Variants in CADM1 observed in about 807,000 individuals in gnomAD.
CADM1 encodes the protein TSLC-1.
A neutral mutation model predicts 53.1 loss-of-function variants in CADM1; 15 were observed. That is an observed-to-expected ratio of 0.28 (90% CI 0.19 to 0.44). CADM1 has a LOEUF of 0.44. Among genes scored for constraint, CADM1 ranks in the 20% least tolerant of loss-of-function variants. The probability of loss-of-function intolerance (pLI) is 1.00; values close to 1 mark genes in which losing one functional copy is unlikely to be tolerated. For synonymous variants in CADM1, 281 were observed against 243.0 expected, an observed-to-expected ratio of 1.16 and a Z score of -1.45; for missense variants, 434 against 611.3, an observed-to-expected ratio of 0.71 and a Z score of 3.06.
At chr11:115,292,438 G>A (rs1378673825) in intron 1 of CADM1, among the ~76,000 whole-genome samples, 1 of 152,174 alleles carries the variant, frequency 6.6e-6, no homozygotes, top group Non-Finnish European at 1.5e-5. Flanking sequence ...ACATCTACAT[G>A]CCTCAACTTC....
intron 1 of CADM1, among the ~76,000 whole-genome samples, chr11:115,425,024 A>G (rs1591219064): frequency 6.6e-6 from 1 of 152,322 alleles, no homozygotes; most frequent in South Asian, 2.1e-4. Flanking sequence ...TAAATTAAAC[A>G]AACTTAAGAA....
intron 1 of CADM1, among the ~76,000 whole-genome samples, chr11:115,391,209 A>G (rs1356036623): frequency 1.3e-5 from 2 of 152,248 alleles, no homozygotes; most frequent in Non-Finnish European, 2.9e-5. Context: ...TACAATTTAA[A>G]GAATTCATCA....
chr11:115,389,968 T>C (rs983962732), intron 1 of CADM1, among the ~76,000 whole-genome samples: 7 of 152,126 alleles, frequency 4.6e-5, no homozygotes, highest in African/African-American at 1.2e-4. Context: ...GTCTCAAAGA[T>C]GGGAACTAAA....
intron 5 of CADM1, among the ~76,000 whole-genome samples, chr11:115,228,419 C>T (rs934479701): frequency 2.6e-5 from 4 of 152,154 alleles, no homozygotes; most frequent in Non-Finnish European, 4.4e-5. Context: ...TATGCATACT[C>T]AAAGATCACC....
intron 1 of CADM1, among the ~76,000 whole-genome samples, chr11:115,317,899 A>G (rs936590066): frequency 1.3e-5 from 2 of 152,144 alleles, no homozygotes; most frequent in Admixed American, 1.3e-4. Context: ...ATGACCAAAG[A>G]TATGTTTTAA....
At chr11:115,384,913 TGA>T (rs1946662514) in intron 1 of CADM1, among the ~76,000 whole-genome samples, 2 of 152,176 alleles carry the variant, frequency 1.3e-5, no homozygotes, top group East Asian at 3.8e-4. Context: ...AAACCTTCTT[TGA>T]GAGTCTTTAG....
chr11:115,451,948 CT>C (rs1224067678), intron 1 of CADM1, among the ~76,000 whole-genome samples: 1 of 151,900 alleles, frequency 6.6e-6, no homozygotes, highest in Non-Finnish European at 1.5e-5. Flanking sequence ...TGGAAATTTC[CT>C]CAAGGCAAGA....
intron 1 of CADM1, among the ~76,000 whole-genome samples, chr11:115,438,925 A>G (rs181732592): frequency 7.4e-4 from 113 of 152,264 alleles, no homozygotes; most frequent in African/African-American, 2.5e-3. Flanking sequence ...GACAAACAAT[A>G]TAGATCAAGT....
At chr11:115,347,111 A>G (rs1945599961) in intron 1 of CADM1, among the ~76,000 whole-genome samples, 1 of 152,134 alleles carries the variant, frequency 6.6e-6, no homozygotes. Flanking sequence ...TTGCCAACAC[A>G]ACGCTCCAGG....
At chr11:115,291,345 G>T (rs1399110973) in intron 1 of CADM1, among the ~76,000 whole-genome samples, 1 of 152,162 alleles carries the variant, frequency 6.6e-6, no homozygotes, top group Non-Finnish European at 1.5e-5. Flanking sequence ...CTTTGTGGAA[G>T]CAATATCTTC....
In CADM1 at chr11:115,238,594, T is replaced by C. The variant is rs1942094623; in HGVS notation, c.330A>G (p.Ser110=). 6.2e-7 allele frequency: 1 copy of C among 1,613,808 alleles called. No individual in the cohort carries two copies. The highest frequency in any genetic ancestry group is 1.7e-5 in the Admixed American group (1 of 59,990). ...CATCAGAAATTGAGACGTTTGTCAATGATACTTTGAGTTCACTGCTAGAAA... is the reference window on the plus strand; with the variant it reads ...CATCAGAAATTGAGACGTTTGTCAACGATACTTTGAGTTCACTGCTAGAAA... ...LNFSSSELKV[S]LTNVSISDEG... The change falls in exon 3 of 12, where the codon TCA becomes TCG. Residue 110 remains serine (S), a synonymous_variant. Transcript: ENST00000331581.
rs1477361483 is a variant in CADM1 at position 115,424,722 on chromosome 11, C to T, written c.124+79549G>A. ...TTGCATTTTTGTAGAGAGGGGGTTT[C>T]GACATGTTGGCCAGGCTTGTTTTGA... is the stretch of plus-strand genomic sequence containing the variant. On this transcript the variant is annotated intron_variant, in intron 1 of 11. Transcript: ENST00000331581. Among the ~76,000 whole-genome samples, 6 of 152,024 alleles carry T rather than the reference C, an allele frequency of 3.9e-5. No homozygotes were observed. The East Asian group carries it at 9.7e-4, about 25-fold the overall frequency.
chr11:115,213,083 C>T (rs920827832), intron 7 of CADM1, among the ~76,000 whole-genome samples: 3 of 152,172 alleles, frequency 2.0e-5, no homozygotes, highest in Non-Finnish European at 2.9e-5. Flanking sequence ...GGAAATTTGT[C>T]ACTGCTTTTT....
At chr11:115,479,828 A>AC (rs1729409030) in intron 1 of CADM1, among the ~76,000 whole-genome samples, 1 of 152,222 alleles carries the variant, frequency 6.6e-6, no homozygotes, top group Non-Finnish European at 1.5e-5. Flanking sequence ...TAGGCTAAGG[A>AC]CATGGATGGT....
chr11:115,328,715 T>TATATATATGTATATACATATATATACGC (rs1464724518), intron 1 of CADM1, among the ~76,000 whole-genome samples: 1 of 54,766 alleles, frequency 1.8e-5, no homozygotes, highest in Admixed American at 2.3e-4. Context: ...TATATATATG[T>TATATATATGTATATACATATATATACGC]GTATATATAT....
intron 1 of CADM1, among the ~76,000 whole-genome samples, chr11:115,393,799 C>T (rs1388535844): frequency 2.6e-5 from 4 of 152,132 alleles, no homozygotes; most frequent in East Asian, 1.9e-4. Context: ...AAATACAAAG[C>T]ATTATGGCAT....
At chr11:115,196,545 A>T (rs1178890801) in intron 9 of CADM1, among the ~76,000 whole-genome samples, 1 of 139,914 alleles carries the variant, frequency 7.1e-6, no homozygotes, top group Non-Finnish European at 1.5e-5. Flanking sequence ...TTGGAAGAAG[A>T]ATTGTCTTGG....
intron 1 of CADM1, among the ~76,000 whole-genome samples, chr11:115,271,047 G>C (rs752766838): frequency 6.6e-6 from 1 of 152,130 alleles, no homozygotes; most frequent in East Asian, 1.9e-4. Context: ...TCACCAAAGG[G>C]TATTAAGCCA....
intron 1 of CADM1, among the ~76,000 whole-genome samples, chr11:115,303,833 A>G: frequency 6.6e-6 from 1 of 152,032 alleles, no homozygotes; most frequent in East Asian, 1.9e-4. Flanking sequence ...ATACAACTGT[A>G]TTCATATCCT....
Sources: gnomAD v4.1 joint callset for allele counts (sites outside exome capture counted in the v4.1 genomes callset) on GRCh38, gnomAD v4.1.1 for gene constraint, MANE v1.5 for transcripts, NCBI Gene and HGNC (gene_info 2026-07-23, HGNC 2026-07-21) for gene names.